Variants in FHIT observed in about 807,000 individuals in gnomAD.
The protein encoded by FHIT is bis(5'-adenosyl)-triphosphatase.
Under a neutral mutation model 17.9 loss-of-function variants are expected in FHIT, and 19 were observed. The ratio of observed to expected loss-of-function variants is 1.06; its 90% CI spans 0.74 to 1.56. FHIT has a LOEUF of 1.56. FHIT is among the 40% of genes most tolerant of loss of function. The pLI, the probability that FHIT is intolerant of heterozygous loss-of-function variation, is 0.00. For missense variants in FHIT, 248 were observed against 189.2 expected, an observed-to-expected ratio of 1.31 and a Z score of -1.82; for synonymous variants, 81 against 69.7, an observed-to-expected ratio of 1.16 and a Z score of -0.81.
chr3:60,120,507 G>T (rs1224090407), intron 5 of FHIT, among the ~76,000 whole-genome samples: 1 of 152,110 alleles, frequency 6.6e-6, no homozygotes, highest in East Asian at 1.9e-4. Flanking sequence ...CTCCAACTTG[G>T]CCAAACCCAG....
intron 5 of FHIT, among the ~76,000 whole-genome samples, chr3:60,016,061 G>C (rs577055337): frequency 1.3e-5 from 2 of 152,246 alleles, no homozygotes; most frequent in South Asian, 4.2e-4. Context: ...CCTTGTTAAT[G>C]GGTAAATTCC....
At position 60,301,051 on chromosome 3, in the gene FHIT, A is replaced by T. The variant is rs572281896; in HGVS notation, c.103+235809T>A. 2.0e-5 allele frequency among the ~76,000 whole-genome samples: 3 copies of T among 152,214 alleles called. No homozygotes were observed. The South Asian group carries it at 6.2e-4, about 32-fold the overall frequency. On this transcript the variant is annotated intron_variant, in intron 5 of 9. Coordinates refer to ENST00000492590, the MANE Select transcript of FHIT (RefSeq NM_002012.4). Reference sequence around the variant, plus strand: ...ATTCTAGATTCCCCCGGATCCCTAGAGTTCCCATTTGGGCTTCCCGTTTCT... The same window carrying T: ...ATTCTAGATTCCCCCGGATCCCTAGTGTTCCCATTTGGGCTTCCCGTTTCT...
chr3:60,802,302 A>G (rs1449367729), intron 4 of FHIT, among the ~76,000 whole-genome samples: 2 of 152,220 alleles, frequency 1.3e-5, no homozygotes, highest in East Asian at 3.8e-4. Flanking sequence ...GGGTGTTCTC[A>G]GAACGTTTTC....
chr3:60,561,883 A>G (rs2036961258), intron 4 of FHIT, among the ~76,000 whole-genome samples: 1 of 152,024 alleles, frequency 6.6e-6, no homozygotes, highest in Admixed American at 6.6e-5. Context: ...GAATCTGGAA[A>G]ATGAAAGAAA....
In FHIT at chr3:61,004,170, A is replaced by G. The variant is rs936006577; in HGVS notation, c.-111+37877T>C. 6.6e-5 allele frequency among the ~76,000 whole-genome samples: 10 copies of G among 152,202 alleles called. No homozygotes were observed. In the East Asian group the frequency reaches 1.9e-3, roughly 29 times the overall value. ...AAGAAGGTGAGCACAGATTATGTCC[A>G]TGGTGAAACAAAAGTTCTGAATATC... On this transcript the variant is annotated intron_variant, in intron 3 of 9. Coordinates refer to ENST00000492590, the MANE Select transcript of FHIT (RefSeq NM_002012.4).
chr3:59,976,020 G>C (rs944701616), intron 7 of FHIT, among the ~76,000 whole-genome samples: 1 of 152,082 alleles, frequency 6.6e-6, no homozygotes, highest in African/African-American at 2.4e-5. Context: ...CTTGGGTTCA[G>C]ACACAACTCA....
chr3:59,992,172 T>C (rs1417243825), intron 7 of FHIT, among the ~76,000 whole-genome samples: 1 of 152,054 alleles, frequency 6.6e-6, no homozygotes, highest in Admixed American at 6.6e-5. Context: ...CCCCTACTAC[T>C]TCCCTTCAGA....
intron 5 of FHIT, among the ~76,000 whole-genome samples, chr3:60,493,683 C>T (rs1222339325): frequency 6.6e-6 from 1 of 152,102 alleles, no homozygotes; most frequent in Non-Finnish European, 1.5e-5. Flanking sequence ...TTTGTTTTGA[C>T]AACCCATAAA....
chr3:61,168,170 T>C (rs950671558), intron 2 of FHIT, among the ~76,000 whole-genome samples: 2 of 152,124 alleles, frequency 1.3e-5, no homozygotes, highest in Non-Finnish European at 2.9e-5. Flanking sequence ...TACCAATAAA[T>C]AAAATGCCAT....
chr3:60,201,602 T>C (rs1559722682), intron 5 of FHIT, among the ~76,000 whole-genome samples: 1 of 152,164 alleles, frequency 6.6e-6, no homozygotes. Context: ...GAATCATTCA[T>C]ACATATTTAT....
intron 8 of FHIT, among the ~76,000 whole-genome samples, chr3:59,911,372 C>T (rs1229265456): frequency 6.6e-6 from 1 of 152,142 alleles, no homozygotes; most frequent in African/African-American, 2.4e-5. Context: ...GCCTGGTATT[C>T]TCTGGGTTGG....
At chr3:60,930,056 T>C (rs1707862435) in intron 3 of FHIT, among the ~76,000 whole-genome samples, 1 of 151,988 alleles carries the variant, frequency 6.6e-6, no homozygotes, top group Non-Finnish European at 1.5e-5. Flanking sequence ...TCAGAAATAA[T>C]GCCGCATATC....
chr3:60,245,968 A>G (rs1323614571), intron 5 of FHIT, among the ~76,000 whole-genome samples: 4 of 152,102 alleles, frequency 2.6e-5, no homozygotes, highest in Admixed American at 2.6e-4. Flanking sequence ...GTAAAATCAA[A>G]AGATATAAAA....
intron 2 of FHIT, among the ~76,000 whole-genome samples, chr3:61,108,489 T>C (rs921130428): frequency 6.6e-6 from 1 of 152,170 alleles, no homozygotes; most frequent in Non-Finnish European, 1.5e-5. Context: ...TAAATGAATG[T>C]TAATTACAGT....
chr3:61,160,768 C>CCT (rs2037666197), intron 2 of FHIT, among the ~76,000 whole-genome samples: 2 of 152,200 alleles, frequency 1.3e-5, no homozygotes, highest in Non-Finnish European at 2.9e-5. Flanking sequence ...TATTTCTCTA[C>CCT]ATTTCTCTTT....
chr3:60,659,663 T>C (rs1446377589), intron 4 of FHIT, among the ~76,000 whole-genome samples: 3 of 152,166 alleles, frequency 2.0e-5, no homozygotes, highest in Non-Finnish European at 2.9e-5. Context: ...AGTTAGTTCA[T>C]ACATCATTTA....
chr3:59,849,308 G>A (rs1386374964), intron 8 of FHIT, among the ~76,000 whole-genome samples: 1 of 152,180 alleles, frequency 6.6e-6, no homozygotes, highest in Non-Finnish European at 1.5e-5. Flanking sequence ...GGCAGGTGGA[G>A]GTTGCAGTGA....
chr3:60,487,518 C>A (rs577787436), intron 5 of FHIT, among the ~76,000 whole-genome samples: 2 of 152,264 alleles, frequency 1.3e-5, no homozygotes, highest in African/African-American at 4.8e-5. Context: ...CACATTCTTT[C>A]AAGATGGTTT....
chr3:60,117,486 T>C (rs1318290907), intron 5 of FHIT, among the ~76,000 whole-genome samples: 2 of 132,288 alleles, frequency 1.5e-5, no homozygotes, highest in Non-Finnish European at 3.1e-5. Flanking sequence ...AGTCTATTAC[T>C]TCCTATCTAA....
Sources: allele counts gnomAD v4.1 joint callset (sites outside exome capture counted in the v4.1 genomes callset), GRCh38; gene constraint gnomAD v4.1.1; transcripts MANE v1.5; gene names NCBI Gene and HGNC (gene_info 2026-07-23, HGNC 2026-07-21).